The following ZNF500 variants were observed in gnomAD, a reference collection of about 807,000 sequenced individuals.
The protein encoded by ZNF500 is zinc finger protein 500.
In ZNF500, 31 loss-of-function variants were observed where a neutral mutation model predicts 30.1. The ratio of observed to expected loss-of-function variants is 1.03; its 90% CI spans 0.77 to 1.39. ZNF500 has a LOEUF of 1.39. ZNF500 is among the 40% of genes most tolerant of loss of function. ZNF500 has a pLI of 0.00. For synonymous variants in ZNF500, 392 were observed against 282.0 expected (o/e 1.39, Z -3.91); for missense variants, 817 against 657.8 (o/e 1.24, Z -2.65).
intron 2 of ZNF500, among the ~76,000 whole-genome samples, chr16:4,764,706 CG>C (rs763627810): frequency 1.1e-4 from 16 of 150,272 alleles, no homozygotes; most frequent in Non-Finnish European, 4.4e-5. Flanking sequence ...GGCGTGAATC[CG>C]GGAGGCGGAG....
Position 4,762,351 on chromosome 16 carries a change from G to A in ZNF500, c.599-16C>T, listed in dbSNP as rs1418596273. 5.0e-6 allele frequency: 8 copies of A among 1,595,028 alleles called. No individual in the cohort carries two copies. Among genetic ancestry groups the A allele is most frequent in the East Asian group, 2.3e-5 (1 of 44,260 alleles). Reference sequence around the variant, plus strand: ...GCTGGAGGGCCTGGGAAGGAGCAGAGTCACCACCAGTCACACAGCTCACCC... The same window carrying A: ...GCTGGAGGGCCTGGGAAGGAGCAGAATCACCACCAGTCACACAGCTCACCC... On this transcript the variant is annotated splice_polypyrimidine_tract_variant and intron_variant, in intron 3 of 5. Coordinates refer to ENST00000219478, the MANE Select transcript of ZNF500 (RefSeq NM_021646.4).
At chr16:4,763,961 C>T (rs145084269) in intron 2 of ZNF500, 1 of 985,342 alleles carries the variant, frequency 1.0e-6, no homozygotes, top group Non-Finnish European at 1.2e-6. Flanking sequence ...CCCATCCACG[C>T]AAGGCCCTGA....
At chr16:4,753,115 C>T in intron 5 of ZNF500, 57 bp from the exon 6 acceptor site, 2 of 1,494,092 alleles carry the variant, frequency 1.3e-6, no homozygotes, top group South Asian at 1.4e-5. Context: ...AAGGGAAATC[C>T]TTCTAATAGG....
Position 4,752,841 on chromosome 16 carries a change from G to A in ZNF500, c.978C>T (p.Thr326=), listed in dbSNP as rs1262660874. 6.2e-7 allele frequency: 1 copy of A among 1,614,140 alleles called. No individual in the cohort carries two copies. Among genetic ancestry groups the A allele is most frequent in the Non-Finnish European group, 8.5e-7 (1 of 1,180,054 alleles). Reference sequence around the variant, plus strand: ...TGAAGCCTTTGCCACATTCGGGGCAGGTGTACGGCTTGTCAGCCCCATGGG... The same window carrying A: ...TGAAGCCTTTGCCACATTCGGGGCAAGTGTACGGCTTGTCAGCCCCATGGG... The part of the protein sequence containing the change: ...RASHGADKPY[T]CPECGKGFSK... The change falls in exon 6 of 6, where the codon ACC becomes ACT. Residue 326 remains threonine (T), a synonymous_variant. Coordinates refer to ENST00000219478, the MANE Select transcript of ZNF500 (RefSeq NM_021646.4).
At chr16:4,756,427 T>C (rs1190823551) in intron 5 of ZNF500, 1 of 151,736 alleles carries the variant, frequency 6.6e-6, no homozygotes, top group African/African-American at 2.4e-5. Context: ...GAGGTTGCAG[T>C]GAGCCGAGAT....
In ZNF500 at chr16:4,752,491, C is replaced by T; in HGVS notation, c.1328G>A (p.Gly443Asp). The stretch of plus-strand genomic sequence containing the variant: ...GTCGGTGCCCCGGCGGAAGCCCCGG[C>T]CACAGGCCGGGCAGGTGTAGGGCTT... ...GEKPYTCPAC[G>D]RGFRRGTDLH... Residue 443 changes from glycine to aspartate, a missense_variant, in exon 6 of 6, where the codon GGC becomes GAC. By Grantham distance (94) the Gly-to-Asp change is moderately conservative. Coordinates refer to ENST00000219478, the MANE Select transcript of ZNF500 (RefSeq NM_021646.4). 6.5e-7 allele frequency: 1 copy of T among 1,549,612 alleles called. No homozygotes were observed. The highest frequency in any genetic ancestry group is 1.9e-5 in the Admixed American group (1 of 51,876).
Position 4,748,795 on chromosome 16 carries a change from G to C in ZNF500, c.*3581C>G, listed in dbSNP as rs1026439092. 2.6e-5 allele frequency: 4 copies of C among 152,294 alleles called. No individual in the cohort carries two copies. Among genetic ancestry groups the C allele is most frequent in the African/African-American group, 9.6e-5 (4 of 41,466 alleles). The allele number at this position is 152,294 out of a possible 1,614,324, so 9.4% of individuals were successfully genotyped here. On this transcript the variant is annotated 3_prime_UTR_variant, in exon 6 of 6. Transcript: ENST00000219478. The stretch of plus-strand genomic sequence containing the variant: ...ACCACCTTGGGCCCCACGGTGCCAC[G>C]GGCTCAGGCAGCACAGTAGGGCGCC...
intron 2 of ZNF500, chr16:4,763,460 T>C (rs1394333857): frequency 1.4e-6 from 1 of 713,954 alleles, no homozygotes; most frequent in East Asian, 1.3e-4. Context: ...TGAGATGATC[T>C]ATTTCCTAAT....
At chr16:4,754,979 C>T (rs994028681) in intron 5 of ZNF500, among the ~76,000 whole-genome samples, 5 of 152,170 alleles carry the variant, frequency 3.3e-5, no homozygotes, top group Non-Finnish European at 5.9e-5. Flanking sequence ...CACCTCCCCT[C>T]GCTCCTTTGC....
Position 4,752,087 on chromosome 16 carries a change from G to A in ZNF500, c.*289C>T. 7.6e-7 allele frequency: 1 copy of A among 1,320,408 alleles called. No individual in the cohort carries two copies. Among genetic ancestry groups the A allele is most frequent in the Non-Finnish European group, 9.6e-7 (1 of 1,038,910 alleles). The allele number at this position is 1,320,408 out of a possible 1,614,324, so 81.8% of individuals were successfully genotyped here. ...CAGGAGCCAGCCCCACGAACACCTT[G>A]AGTGTCGGCTTCTGGCCTCCTGAGT... On this transcript the variant is annotated 3_prime_UTR_variant, in exon 6 of 6. Coordinates refer to ENST00000219478, the MANE Select transcript of ZNF500 (RefSeq NM_021646.4).
rs528058030 is a variant in ZNF500 at position 4,751,355 on chromosome 16, C to T, written c.*1021G>A. 4 of 532,198 alleles carry T rather than the reference C, an allele frequency of 7.5e-6. No homozygotes were observed. The highest frequency in any genetic ancestry group is 7.0e-5 in the South Asian group (3 of 43,046). The allele number at this position is 532,198 out of a possible 1,614,324, so 33.0% of individuals were successfully genotyped here. A position where few individuals can be genotyped will look rare whatever the true frequency, so the allele number is the denominator to read the frequency against. On this transcript the variant is annotated 3_prime_UTR_variant, in exon 6 of 6. Coordinates refer to ENST00000219478, the MANE Select transcript of ZNF500 (RefSeq NM_021646.4). ...GGCCACATTCCAGACACTAAGGGGC[C>T]AGGAGCAAACGCAGCCCTGGGCCCC... is the stretch of plus-strand genomic sequence containing the variant.
Position 4,766,078 on chromosome 16 carries a change from T to C in ZNF500, c.-98-2A>G. The C allele has an allele frequency of 4.1e-6, 5 of 1,212,848 alleles. No homozygotes were observed. Among genetic ancestry groups the C allele is most frequent in the African/African-American group, 1.5e-5 (1 of 65,772 alleles). The allele number at this position is 1,212,848 out of a possible 1,614,324, so 75.1% of individuals were successfully genotyped here. A position where few individuals can be genotyped will look rare whatever the true frequency, so the allele number is the denominator to read the frequency against. The stretch of plus-strand genomic sequence containing the variant: ...AGGAAGAGAGTTTTTTTCAGGGCCC[T>C]GTGGAGAGACGATAAAACCATCTGA... On this transcript the variant is annotated splice_acceptor_variant, in intron 1 of 5. Coordinates refer to ENST00000219478, the MANE Select transcript of ZNF500 (RefSeq NM_021646.4). LOFTEE classifies it low-confidence loss of function (5UTR_SPLICE).
At chr16:4,744,634 C>CTTCA (rs3085777), downstream of ZNF500, among the ~76,000 whole-genome samples, 90,614 of 151,432 alleles carry the variant, frequency 0.6, 27,598 homozygotes, top group East Asian at 0.68. Context: ...GTCACTCCTA[C>CTTCA]TTCACCAAGC....
In ZNF500 at chr16:4,752,011, G is replaced by A; in HGVS notation, c.*365C>T. ...TTGGGACGTGGGGATGAGGCTGTAT[G>A]CCAGCAGCCACTGGATGCTGGAGGC... On this transcript the variant is annotated 3_prime_UTR_variant, in exon 6 of 6. Coordinates refer to ENST00000219478, the MANE Select transcript of ZNF500 (RefSeq NM_021646.4). 2 of 1,141,602 alleles carry A rather than the reference G, an allele frequency of 1.8e-6. No homozygotes were observed. The highest frequency in any genetic ancestry group is 2.4e-5 in the South Asian group (1 of 41,358). The allele number at this position is 1,141,602 out of a possible 1,614,324, so 70.7% of individuals were successfully genotyped here.
At position 4,762,294 on chromosome 16, in the gene ZNF500, G is replaced by T; in HGVS notation, c.640C>A (p.Pro214Thr). 1 of 1,611,632 alleles carries T rather than the reference G, an allele frequency of 6.2e-7. No individual in the cohort carries two copies. Among genetic ancestry groups the T allele is most frequent in the Admixed American group, 1.7e-5 (1 of 59,720 alleles). ...PRHQEMASAS[P>T]FLSAWSQVPV... is the part of the protein sequence containing the mutation. ...ACCTGGGACCAGGCCGAAAGGAAGG[G>T]CGAGGCTGACGCCATCTCCTGATGC... Residue 214 changes from proline (P) to threonine (T), a missense_variant, in exon 4 of 6, where the codon CCC becomes ACC. Coordinates refer to ENST00000219478, the MANE Select transcript of ZNF500 (RefSeq NM_021646.4).
downstream of ZNF500, chr16:4,746,434 T>C: frequency 6.2e-7 from 1 of 1,613,606 alleles, no homozygotes; most frequent in African/African-American, 1.3e-5. Flanking sequence ...GCCCAGGGCA[T>C]GAGGCTTAAC....
At chr16:4,745,511 C>T (rs2082003758), downstream of ZNF500, among the ~76,000 whole-genome samples, 1 of 152,202 alleles carries the variant, frequency 6.6e-6, no homozygotes, top group Non-Finnish European at 1.5e-5. Context: ...GAGGCAGGGC[C>T]CCAGGGTCCC....
At chr16:4,759,816 C>T (rs1418252803) in intron 5 of ZNF500, among the ~76,000 whole-genome samples, 1 of 152,206 alleles carries the variant, frequency 6.6e-6, no homozygotes, top group Admixed American at 6.5e-5. Context: ...GCCAGCGGAT[C>T]ACCTGAAGTC....
At chr16:4,755,827 G>T (rs1440466614) in intron 5 of ZNF500, among the ~76,000 whole-genome samples, 1 of 152,122 alleles carries the variant, frequency 6.6e-6, no homozygotes, top group Non-Finnish European at 1.5e-5. Context: ...AACGAAAATG[G>T]ATCAACAAAA....
Sources: gnomAD v4.1 joint callset for allele counts (sites outside exome capture counted in the v4.1 genomes callset) on GRCh38, gnomAD v4.1.1 for gene constraint, MANE v1.5 for transcripts, NCBI Gene and HGNC (gene_info 2026-07-23, HGNC 2026-07-21) for gene names.